Variants in OPN4 observed in about 807,000 individuals in gnomAD.
OPN4 encodes opsin 4, also known as melanopsin.
Under a neutral mutation model 49.5 loss-of-function variants are expected in OPN4, and 43 were observed. The observed-to-expected ratio is 0.87, with a 90% CI of 0.68 to 1.12. The LOEUF (loss-of-function observed/expected upper bound fraction) is 1.12. Among genes scored for constraint, OPN4 ranks in the 50% most tolerant of loss-of-function variants. The probability of loss-of-function intolerance (pLI) is 0.00; values close to 1 mark genes in which losing one functional copy is unlikely to be tolerated. For missense variants in OPN4, 657 were observed against 643.9 expected, an observed-to-expected ratio of 1.02 and a Z score of -0.22; for synonymous variants, 263 against 258.0, an observed-to-expected ratio of 1.02 and a Z score of -0.19.
chr10:86,662,243 C>G lies in OPN4; in HGVS notation c.1074-9C>G, dbSNP rs79928964. 6.2e-7 allele frequency: 1 copy of G among 1,607,086 alleles called. No individual in the cohort carries two copies. Among genetic ancestry groups the G allele is most frequent in the Non-Finnish European group, 8.5e-7 (1 of 1,178,506 alleles). ...CCCCTGGCCCTAATCAGATGTGCGG[C>G]CCCTGCAGGGTGGCCATTGCCCAGC... is the stretch of plus-strand genomic sequence containing the variant. On this transcript the variant is annotated splice_polypyrimidine_tract_variant and intron_variant, in intron 7 of 9. Coordinates refer to ENST00000241891, the MANE Select transcript of OPN4 (RefSeq NM_033282.4).
chr10:86,663,945 C>G (rs1023535206), intron 9 of OPN4, 143 bp downstream of exon 9: 1 of 1,013,024 alleles, frequency 9.9e-7, no homozygotes, highest in Non-Finnish European at 1.4e-6. Context: ...CACCTCCCAG[C>G]TTTTCCTTGT....
chr10:86,657,703 G>A (rs1843903778), intron 2 of OPN4, among the ~76,000 whole-genome samples: 1 of 152,168 alleles, frequency 6.6e-6, no homozygotes, highest in East Asian at 1.9e-4. Flanking sequence ...AGGGCAAGAA[G>A]AGGAAACGGA....
chr10:86,657,340 C>T (rs1416518296), intron 2 of OPN4: 7 of 727,710 alleles, frequency 9.6e-6, no homozygotes, highest in Admixed American at 1.8e-5. Context: ...GGGACAATGA[C>T]GCCTCCCTCA....
chr10:86,658,344 C>T (rs34187073), intron 3 of OPN4, 140 bp from the exon 4 acceptor site: 45,714 of 1,232,896 alleles, frequency 0.037, 985 homozygotes, highest in Middle Eastern at 0.066. Flanking sequence ...AAGGCCTCTG[C>T]CAGCCTTGGC....
At chr10:86,661,471 C>T (rs1217078086) in intron 7 of OPN4, 83 bp downstream of exon 7, 3 of 1,002,460 alleles carry the variant, frequency 3.0e-6, no homozygotes, top group Admixed American at 4.3e-5. Context: ...ACCTTTCTGT[C>T]TCTCGTGTGT....
Position 86,656,135 on chromosome 10 carries a change from G to C in OPN4, c.145-20G>C. 1 of 1,613,872 alleles carries C rather than the reference G, an allele frequency of 6.2e-7. No homozygotes were observed. The highest frequency in any genetic ancestry group is 8.5e-7 in the Non-Finnish European group (1 of 1,179,754). ...TGACAAGCGATAACATGATTCCCTC[G>C]TTTCTCTGTCTCTCCGCAGGCACCT... On this transcript the variant is annotated intron_variant, in intron 1 of 9. Coordinates refer to ENST00000241891, the MANE Select transcript of OPN4 (RefSeq NM_033282.4).
chr10:86,662,411 C>T lies in OPN4; in HGVS notation c.1233C>T (p.Ser411=), dbSNP rs984430385. 15 of 1,554,852 alleles carry T rather than the reference C, an allele frequency of 9.6e-6. No homozygotes were observed. The Admixed American group carries it at 1.2e-4, about 12-fold the overall frequency. The stretch of plus-strand genomic sequence containing the variant: ...TCTCCATACGGAGGCGCCAGGAGTC[C>T]CTGGGCTCGGAGAGTGAGGTGGTAA... ...SWISIRRRQE[S]LGSESEVGWT... The change falls in exon 8 of 10, where the codon TCC becomes TCT. Residue 411 remains serine (S), a synonymous_variant. Transcript: ENST00000241891.
intron 8 of OPN4, among the ~76,000 whole-genome samples, chr10:86,662,672 C>T (rs1430448760): frequency 6.6e-6 from 1 of 152,236 alleles, no homozygotes; most frequent in Admixed American, 6.5e-5. Flanking sequence ...AGGAGCGGGG[C>T]CAGGATTGAA....
intron 8 of OPN4, 87 bp from the exon 9 acceptor site, chr10:86,663,572 G>T: frequency 2.4e-6 from 3 of 1,266,110 alleles, no homozygotes; most frequent in Non-Finnish European, 3.1e-6. Context: ...CTGTTGGGAG[G>T]ATGAAGGAGG....
chr10:86,665,946 C>A lies in OPN4; in HGVS notation c.*195C>A. The A allele has an allele frequency of 1.7e-6, 1 of 577,950 alleles. No individual in the cohort carries two copies. The highest frequency in any genetic ancestry group is 2.9e-5 in the East Asian group (1 of 34,116). 35.8% of individuals were successfully genotyped at this position (577,950 alleles called of 1,614,324 possible). A position where few individuals can be genotyped will look rare whatever the true frequency, so the allele number is the denominator to read the frequency against. ...AAAACTCCTGCCCCATAACGTCCTC[C>A]GCATCCACTTTCCAGCTCAGCAGCC... On this transcript the variant is annotated 3_prime_UTR_variant, in exon 10 of 10. Coordinates refer to ENST00000241891, the MANE Select transcript of OPN4 (RefSeq NM_033282.4).
intron 3 of OPN4, 110 bp from the exon 4 acceptor site, chr10:86,658,365 AGGTGGAGGG>A: frequency 7.9e-7 from 1 of 1,271,766 alleles, no homozygotes; most frequent in East Asian, 2.5e-5. Flanking sequence ...CAGATGTGGC[AGGTGGAGGG>A]GGTGGAGTGC....
At chr10:86,660,127 G>T in intron 6 of OPN4, 68 bp downstream of exon 6, 1 of 1,558,240 alleles carries the variant, frequency 6.4e-7, no homozygotes, top group South Asian at 1.1e-5. Context: ...AGCCTGGCCA[G>T]CCTCTCCTTC....
chr10:86,661,494 G>A (rs2132306393), intron 7 of OPN4, 106 bp downstream of exon 7: 7 of 805,962 alleles, frequency 8.7e-6, no homozygotes, highest in Middle Eastern at 2.6e-4. Flanking sequence ...GTAGAATGGG[G>A]GCCACCAGCA....
At position 86,661,402 on chromosome 10, in the gene OPN4, C is replaced by T; in HGVS notation, c.1073+14C>T. On this transcript the variant is annotated intron_variant, in intron 7 of 9. Coordinates refer to ENST00000241891, the MANE Select transcript of OPN4 (RefSeq NM_033282.4). ...CCCCAAGTACAGGTGTGGCTCTTTT[C>T]CAGAACCCCACACCTTGGCCTCCAA... 6.3e-7 allele frequency: 1 copy of T among 1,599,004 alleles called. No individual in the cohort carries two copies.
intron 5 of OPN4, 113 bp from the exon 6 acceptor site, chr10:86,659,782 C>G (rs1843958995): frequency 8.7e-7 from 1 of 1,148,216 alleles, no homozygotes; most frequent in Admixed American, 2.1e-5. Context: ...AGGAATGACA[C>G]TCTCACGAGT....
intron 9 of OPN4, chr10:86,664,070 T>C: frequency 2.4e-6 from 1 of 422,292 alleles, no homozygotes; most frequent in Non-Finnish European, 4.3e-6. Flanking sequence ...TGCTGTTGGC[T>C]GTGCTGTGGC....
In OPN4 at chr10:86,659,488, G is replaced by GGGGCTACA. The variant is rs754986754; in HGVS notation, c.800+23_800+24insCTACAGGG. 6.2e-7 allele frequency: 1 copy of GGGGCTACA among 1,611,538 alleles called. No individual in the cohort carries two copies. The highest frequency in any genetic ancestry group is 8.5e-7 in the Non-Finnish European group (1 of 1,179,094). ...AGGACGGTAAGAGCCGAGCATGGAG[G>GGGGCTACA]GGGGCTACAGGAGGGGGACCGGCCC... On this transcript the variant is annotated intron_variant, in intron 5 of 9. Transcript: ENST00000241891.
chr10:86,659,786 C>A, intron 5 of OPN4, 109 bp from the exon 6 acceptor site: 2 of 1,178,838 alleles, frequency 1.7e-6, no homozygotes, highest in Non-Finnish European at 2.4e-6. Flanking sequence ...ATGACACTCT[C>A]ACGAGTGCCC....
chr10:86,656,029 T>C (rs1843852439), intron 1 of OPN4, 126 bp from the exon 2 acceptor site: 1 of 1,224,136 alleles, frequency 8.2e-7, no homozygotes, highest in Admixed American at 2.0e-5. Context: ...TGTGTGCAAC[T>C]GGCTTTGCCA....
Sources: gnomAD v4.1 joint callset for allele counts (sites outside exome capture counted in the v4.1 genomes callset) on GRCh38, gnomAD v4.1.1 for gene constraint, MANE v1.5 for transcripts, NCBI Gene and HGNC (gene_info 2026-07-23, HGNC 2026-07-21) for gene names.